Variants in BCR observed in about 807,000 individuals in gnomAD.
The protein encoded by BCR is breakpoint cluster region protein.
Under a neutral mutation model 138.6 loss-of-function variants are expected in BCR, and 58 were observed. That is an observed-to-expected ratio of 0.42 (90% CI 0.34 to 0.52). The LOEUF (loss-of-function observed/expected upper bound fraction) is 0.52, where lower values mean the gene tolerates loss of function less well. BCR is among the 20% of genes least tolerant of loss of function. BCR has a pLI of 0.06. For synonymous variants in BCR, 786 were observed against 730.1 expected (o/e 1.08, Z -1.23); for missense variants, 1,599 against 1,727.2 (o/e 0.93, Z 1.32).
rs566740894 is a variant in BCR at position 23,208,150 on chromosome 22, G to A, written c.1279+25911G>A. ...AGCTTCATGCTTCAGTTGGTACCCCGTGAGGCTTGTGTGGGCAGCTGTTCA... is the reference window on the plus strand; with the variant it reads ...AGCTTCATGCTTCAGTTGGTACCCCATGAGGCTTGTGTGGGCAGCTGTTCA... On this transcript the variant is annotated intron_variant, in intron 1 of 22. Transcript: ENST00000305877. Among the ~76,000 whole-genome samples, 8 of 152,292 alleles carry A rather than the reference G, an allele frequency of 5.3e-5. No homozygotes were observed. The East Asian group carries it at 9.7e-4, about 18-fold the overall frequency.
chr22:23,288,114 C>A lies in BCR; in HGVS notation c.2544C>A (p.Ile848=), dbSNP rs771239650. The change falls in exon 12 of 23, where the codon ATC becomes ATA. Residue 848 remains isoleucine, a synonymous_variant. Coordinates refer to ENST00000305877, the MANE Select transcript of BCR (RefSeq NM_004327.4). ...CACCCTAGAGTTACACGTTCCTGAT[C>A]TCCTCTGACTATGAGCGTGCAGAGT... ...SRNGKSYTFL[I]SSDYERAEWR... 1 of 1,614,028 alleles carries A rather than the reference C, an allele frequency of 6.2e-7. No homozygotes were observed. Among genetic ancestry groups the A allele is most frequent in the Admixed American group, 1.7e-5 (1 of 60,018 alleles).
intron 1 of BCR, among the ~76,000 whole-genome samples, chr22:23,250,213 G>T (rs2073208671): frequency 6.6e-6 from 1 of 152,174 alleles, no homozygotes. Context: ...TCCCTACTCG[G>T]TGTTGACTTG....
intron 1 of BCR, among the ~76,000 whole-genome samples, chr22:23,214,525 C>G (rs2072726553): frequency 6.6e-6 from 1 of 152,220 alleles, no homozygotes; most frequent in African/African-American, 2.4e-5. Context: ...GCCAGGAGGA[C>G]CTGCATTTCC....
intron 21 of BCR, 85 bp downstream of exon 21, chr22:23,314,158 C>CGAGG (rs1444275727): frequency 9.0e-7 from 1 of 1,108,032 alleles, no homozygotes; most frequent in African/African-American, 1.5e-5. Flanking sequence ...CCCCCAACAC[C>CGAGG]GAGGACCTTT....
intron 11 of BCR, 117 bp downstream of exon 11, chr22:23,287,395 C>T (rs2073728234): frequency 7.1e-7 from 1 of 1,401,014 alleles, no homozygotes; most frequent in African/African-American, 1.5e-5. Flanking sequence ...GCATGTCCGG[C>T]ATGGTGCATG....
At chr22:23,258,650 T>C (rs555230137) in intron 2 of BCR, among the ~76,000 whole-genome samples, 2 of 152,272 alleles carry the variant, frequency 1.3e-5, no homozygotes, top group Admixed American at 1.3e-4. Context: ...CCTGGAGACA[T>C]TGTGGCTGCC....
chr22:23,219,763 G>C (rs2072801313), intron 1 of BCR, among the ~76,000 whole-genome samples: 1 of 152,014 alleles, frequency 6.6e-6, no homozygotes, highest in Non-Finnish European at 1.5e-5. Context: ...CACTTGCCCA[G>C]CTCTGTCCTC....
chr22:23,197,082 A>AG (rs2051228552), intron 1 of BCR, among the ~76,000 whole-genome samples: 1 of 152,246 alleles, frequency 6.6e-6, no homozygotes, highest in African/African-American at 2.4e-5. Flanking sequence ...GCACCACATA[A>AG]CGACATTTTG....
chr22:23,247,938 T>A (rs2073173899), intron 1 of BCR, among the ~76,000 whole-genome samples: 1 of 152,250 alleles, frequency 6.6e-6, no homozygotes, highest in African/African-American at 2.4e-5. Context: ...GTGTATACAT[T>A]ACATTGTGCT....
chr22:23,285,321 C>A (rs989265110), intron 10 of BCR, 120 bp downstream of exon 10: 1 of 1,105,122 alleles, frequency 9.0e-7, no homozygotes, highest in Non-Finnish European at 1.3e-6. Context: ...TCTCTGGGAC[C>A]CCTGTAAGCT....
chr22:23,311,536 G>T (rs1309547066), intron 18 of BCR, among the ~76,000 whole-genome samples, 161 bp from the exon 19 acceptor site: 1 of 152,154 alleles, frequency 6.6e-6, no homozygotes, highest in African/African-American at 2.4e-5. Context: ...AGCTTGCAGA[G>T]GGAGGACAGG....
chr22:23,218,594 C>CT (rs1169678494), intron 1 of BCR, among the ~76,000 whole-genome samples: 2 of 152,180 alleles, frequency 1.3e-5, no homozygotes, highest in Non-Finnish European at 2.9e-5. Flanking sequence ...GGAGGTGAGG[C>CT]TGGTGGCTGT....
At chr22:23,275,928 G>A (rs535334836) in intron 8 of BCR, among the ~76,000 whole-genome samples, 11 of 152,296 alleles carry the variant, frequency 7.2e-5, no homozygotes, top group Middle Eastern at 6.8e-3. Flanking sequence ...GACAAGGAAG[G>A]GCCTTCTCAG....
chr22:23,313,389 CCCTTAGTCAA>C (rs1333265296), intron 20 of BCR, among the ~76,000 whole-genome samples: 2 of 152,202 alleles, frequency 1.3e-5, no homozygotes, highest in African/African-American at 4.8e-5. Context: ...CATGACCTGA[CCCTTAGTCAA>C]CCTGGAGGCT....
intron 16 of BCR, among the ~76,000 whole-genome samples, chr22:23,296,427 G>A (rs573862938): frequency 1.6e-4 from 24 of 150,926 alleles, no homozygotes; most frequent in Non-Finnish European, 2.9e-4. Flanking sequence ...GAAGGGAGAG[G>A]GTGGCTCTTC....
intron 16 of BCR, among the ~76,000 whole-genome samples, chr22:23,308,987 G>A (rs1362665582): frequency 6.6e-6 from 1 of 152,166 alleles, no homozygotes; most frequent in Non-Finnish European, 1.5e-5. Flanking sequence ...GCCACAAGCT[G>A]TTCATGGTGC....
chr22:23,187,485 TTCTCTC>T (rs112466422), intron 1 of BCR, among the ~76,000 whole-genome samples: 1 of 145,578 alleles, frequency 6.9e-6, no homozygotes, highest in Non-Finnish European at 1.5e-5. Context: ...CTCCTTCTCT[TTCTCTC>T]TCTCTCTCTT....
In BCR at chr22:23,254,061, C is replaced by T. The variant is rs992520020; in HGVS notation, c.1461+81C>T. 11 of 1,449,022 alleles carry T rather than the reference C, an allele frequency of 7.6e-6. No homozygotes were observed. In the African/African-American group the frequency reaches 1.3e-4, roughly 17 times the overall value. 89.8% of individuals were successfully genotyped at this position (1,449,022 alleles called of 1,614,324 possible). A position where few individuals can be genotyped will look rare whatever the true frequency, so the allele number is the denominator to read the frequency against. On this transcript the variant is annotated intron_variant, in intron 2 of 22. Coordinates refer to ENST00000305877, the MANE Select transcript of BCR (RefSeq NM_004327.4). ...CAGCCCCATGCTCAGGGGTATGTAGCAGGTAGGTGGTGGAGCAGCCAATGG... is the reference window on the plus strand; with the variant it reads ...CAGCCCCATGCTCAGGGGTATGTAGTAGGTAGGTGGTGGAGCAGCCAATGG...
intron 20 of BCR, among the ~76,000 whole-genome samples, chr22:23,313,456 A>G (rs557924820): frequency 5.3e-5 from 8 of 152,206 alleles, no homozygotes; most frequent in Non-Finnish European, 7.3e-5. Context: ...TGGCCTCTGC[A>G]TCACCCTTAG....
Sources: gnomAD v4.1 joint callset for allele counts (sites outside exome capture counted in the v4.1 genomes callset) on GRCh38, gnomAD v4.1.1 for gene constraint, MANE v1.5 for transcripts, NCBI Gene and HGNC (gene_info 2026-07-23, HGNC 2026-07-21) for gene names.